ARHGAP15: variants seen among roughly 807,000 people sequenced by gnomAD.
The protein encoded by ARHGAP15 is rho GTPase-activating protein 15.
Under a neutral mutation model 63.7 loss-of-function variants are expected in ARHGAP15, and 51 were observed. That is an observed-to-expected ratio of 0.80 (90% CI 0.64 to 1.01). The LOEUF (loss-of-function observed/expected upper bound fraction) is 1.01, where lower values mean the gene tolerates loss of function less well. ARHGAP15 is among the 50% of genes least tolerant of loss of function. The probability of loss-of-function intolerance (pLI) is 0.00; values close to 1 mark genes in which losing one functional copy is unlikely to be tolerated. For missense variants in ARHGAP15, 560 were observed against 564.6 expected, an observed-to-expected ratio of 0.99 and a Z score of 0.08; for synonymous variants, 191 against 193.8, an observed-to-expected ratio of 0.99 and a Z score of 0.12.
chr2:143,341,437 A>G (rs1313155310), intron 6 of ARHGAP15, among the ~76,000 whole-genome samples: 1 of 152,152 alleles, frequency 6.6e-6, no homozygotes, highest in Non-Finnish European at 1.5e-5. Flanking sequence ...TTCCTCTAGG[A>G]CGAATAACAC....
At chr2:143,724,100 A>G (rs1685181100) in intron 13 of ARHGAP15, among the ~76,000 whole-genome samples, 1 of 152,056 alleles carries the variant, frequency 6.6e-6, no homozygotes, top group Admixed American at 6.6e-5. Flanking sequence ...TGACATAAAG[A>G]AAGTAAAATC....
intron 6 of ARHGAP15, among the ~76,000 whole-genome samples, chr2:143,308,477 AACACACACACAC>A (rs4008341): frequency 4.0e-5 from 6 of 149,280 alleles, no homozygotes; most frequent in East Asian, 2.0e-4. Context: ...GTTGATAAGA[AACACACACACAC>A]ACACACACAC....
Position 143,544,941 on chromosome 2 carries a change from A to G in ARHGAP15, c.926-11467A>G, listed in dbSNP as rs376292778. 9.2e-5 allele frequency among the ~76,000 whole-genome samples: 14 copies of G among 152,330 alleles called. 1 individual carries two copies. Among genetic ancestry groups the G allele is most frequent in the African/African-American group, 3.4e-4 (14 of 41,562 alleles). On this transcript the variant is annotated intron_variant, in intron 10 of 13. Coordinates refer to ENST00000295095, the MANE Select transcript of ARHGAP15 (RefSeq NM_018460.4). ...CTATTTGTGTTTCCTGAGAATAGGA[A>G]GCTCAAATGTCTCAGCTTCATCCAC...
At chr2:143,539,364 T>TG (rs1418576489) in intron 10 of ARHGAP15, among the ~76,000 whole-genome samples, 1 of 150,852 alleles carries the variant, frequency 6.6e-6, no homozygotes, top group Non-Finnish European at 1.5e-5. Context: ...AAGGGTTTTT[T>TG]GTGTCTCTAT....
intron 6 of ARHGAP15, among the ~76,000 whole-genome samples, chr2:143,333,564 GGTTT>G (rs1684641323): frequency 6.6e-6 from 1 of 152,130 alleles, no homozygotes; most frequent in Admixed American, 6.6e-5. Context: ...TTAACTTGTT[GGTTT>G]GTTTGCTGAA....
At chr2:143,225,398 G>A (rs1693168988) in intron 4 of ARHGAP15, among the ~76,000 whole-genome samples, 1 of 152,052 alleles carries the variant, frequency 6.6e-6, no homozygotes, top group Admixed American at 6.6e-5. Flanking sequence ...TCAGGAGATC[G>A]AGACCATCCT....
intron 6 of ARHGAP15, chr2:143,314,349 A>G (rs1041617680): frequency 2.0e-5 from 3 of 152,206 alleles, no homozygotes; most frequent in African/African-American, 7.2e-5. Context: ...TCACCTTTAC[A>G]ATTAACTCTT....
chr2:143,198,916 A>G (rs1691995478), intron 2 of ARHGAP15, among the ~76,000 whole-genome samples: 1 of 152,138 alleles, frequency 6.6e-6, no homozygotes, highest in Admixed American at 6.6e-5. Flanking sequence ...GTTGGGTTTT[A>G]AGGAAATAGA....
chr2:143,399,677 A>G (rs1222067956), intron 6 of ARHGAP15, among the ~76,000 whole-genome samples: 1 of 152,016 alleles, frequency 6.6e-6, no homozygotes. Context: ...AAAAAGGTTA[A>G]GAGACTTCCT....
At chr2:143,308,090 A>T (rs1169809129) in intron 6 of ARHGAP15, among the ~76,000 whole-genome samples, 1 of 152,168 alleles carries the variant, frequency 6.6e-6, no homozygotes, top group African/African-American at 2.4e-5. Context: ...AAAATCCTTC[A>T]GATGGTAAGC....
At chr2:143,295,542 G>T (rs1250167649) in intron 6 of ARHGAP15, 1 of 151,942 alleles carries the variant, frequency 6.6e-6, no homozygotes, top group Non-Finnish European at 1.5e-5. Flanking sequence ...TACCAAGAAA[G>T]GTTTCATCAA....
chr2:143,503,183 T>C (rs1171198804), intron 9 of ARHGAP15, among the ~76,000 whole-genome samples: 1 of 152,256 alleles, frequency 6.6e-6, no homozygotes, highest in Non-Finnish European at 1.5e-5. Context: ...GAGAAAGAGA[T>C]ACTACAGCAC....
At chr2:143,564,796 T>C (rs954554825) in intron 11 of ARHGAP15, among the ~76,000 whole-genome samples, 1 of 152,248 alleles carries the variant, frequency 6.6e-6, no homozygotes, top group Non-Finnish European at 1.5e-5. Flanking sequence ...TATGTTAGTA[T>C]GATTAAAATT....
chr2:143,535,496 G>A (rs994998881), intron 10 of ARHGAP15, among the ~76,000 whole-genome samples: 8 of 152,186 alleles, frequency 5.3e-5, no homozygotes, highest in African/African-American at 1.9e-4. Context: ...TTAGGCATAA[G>A]CAAGGCTGTG....
intron 6 of ARHGAP15, among the ~76,000 whole-genome samples, chr2:143,274,416 T>C (rs1054377718): frequency 6.6e-6 from 1 of 152,248 alleles, no homozygotes; most frequent in Non-Finnish European, 1.5e-5. Context: ...TTCTGTGGTA[T>C]AATGTTGCAA....
At chr2:143,202,252 G>T in intron 3 of ARHGAP15, 50 bp downstream of exon 3, 8 of 1,478,388 alleles carry the variant, frequency 5.4e-6, no homozygotes, top group Non-Finnish European at 6.6e-6. Flanking sequence ...AAAATAAATT[G>T]CCACAAAACT....
At chr2:143,611,599 T>G (rs1468760162) in intron 11 of ARHGAP15, among the ~76,000 whole-genome samples, 1 of 152,194 alleles carries the variant, frequency 6.6e-6, no homozygotes, top group Non-Finnish European at 1.5e-5. Context: ...TTACTCAACT[T>G]TCACTTCTAT....
At chr2:143,217,188 T>G (rs1321854241) in intron 4 of ARHGAP15, among the ~76,000 whole-genome samples, 4 of 152,152 alleles carry the variant, frequency 2.6e-5, no homozygotes, top group African/African-American at 9.7e-5. Context: ...ATTAATAGGA[T>G]AAATGTACTA....
Position 143,145,841 on chromosome 2 carries a change from T to G in ARHGAP15, c.-14-9636T>G, listed in dbSNP as rs1180161178. On this transcript the variant is annotated intron_variant, in intron 1 of 13. Coordinates refer to ENST00000295095, the MANE Select transcript of ARHGAP15 (RefSeq NM_018460.4). ...CTTCCAATTTATATATGTATAGGGG[T>G]GTGTGTGTGTGTGTGTGTGTGTGTG... is the stretch of plus-strand genomic sequence containing the variant. Among the ~76,000 whole-genome samples the G allele has an allele frequency of 1.5e-3, 5 of 3,270 alleles. No homozygotes were observed. In the South Asian group the frequency reaches 0.061, roughly 40 times the overall value. 2.1% of individuals were successfully genotyped at this position (3,270 alleles called of 152,430 possible).
Sources: allele counts gnomAD v4.1 joint callset (sites outside exome capture counted in the v4.1 genomes callset), GRCh38; gene constraint gnomAD v4.1.1; transcripts MANE v1.5; gene names NCBI Gene and HGNC (gene_info 2026-07-23, HGNC 2026-07-21).